ELOVL6: variants seen among roughly 807,000 people sequenced by gnomAD.
ELOVL6 encodes very long chain fatty acid elongase 6.
ELOVL6 carries 8 observed loss-of-function variants against 31.7 expected under a neutral mutation model. The observed-to-expected ratio is 0.25, with a 90% CI of 0.15 to 0.45. The LOEUF (loss-of-function observed/expected upper bound fraction) is 0.45, where lower values mean the gene tolerates loss of function less well. ELOVL6 is among the 20% of genes least tolerant of loss of function. The pLI is 1.00. For missense variants in ELOVL6, 126 were observed against 326.4 expected, an observed-to-expected ratio of 0.39 and a Z score of 4.73; for synonymous variants, 101 against 117.7, an observed-to-expected ratio of 0.86 and a Z score of 0.92.
intron 2 of ELOVL6, among the ~76,000 whole-genome samples, chr4:110,069,013 C>T (rs192754565): frequency 0.012 from 1,849 of 151,914 alleles, 115 homozygotes; most frequent in Admixed American, 0.1. Flanking sequence ...GTGGTGGCAG[C>T]GCCTGTAGTC....
intron 2 of ELOVL6, 56 bp from the exon 3 acceptor site, chr4:110,059,810 C>A: frequency 6.5e-7 from 1 of 1,528,466 alleles, no homozygotes; most frequent in Non-Finnish European, 9.0e-7. Flanking sequence ...TCACTTCTCA[C>A]ATCAACCATA....
intron 2 of ELOVL6, among the ~76,000 whole-genome samples, chr4:110,102,684 A>C (rs1039063994): frequency 2.0e-4 from 30 of 152,008 alleles, no homozygotes; most frequent in Admixed American, 4.6e-4. Context: ...TAAAGATGAT[A>C]GATTATATAT....
intron 2 of ELOVL6, among the ~76,000 whole-genome samples, chr4:110,080,314 C>T (rs1165867316): frequency 3.3e-5 from 5 of 152,154 alleles, no homozygotes; most frequent in Non-Finnish European, 7.4e-5. Context: ...ACCAATATCC[C>T]TGATGAACAT....
chr4:110,078,285 T>C (rs999137402), intron 2 of ELOVL6, among the ~76,000 whole-genome samples: 1 of 152,204 alleles, frequency 6.6e-6, no homozygotes, highest in Non-Finnish European at 1.5e-5. Context: ...GACACATAAT[T>C]GTCAGATTCA....
chr4:110,127,046 A>G (rs935266458), intron 1 of ELOVL6, among the ~76,000 whole-genome samples: 1 of 152,134 alleles, frequency 6.6e-6, no homozygotes, highest in Non-Finnish European at 1.5e-5. Context: ...AAAGTAGTAG[A>G]CCATCTCTCC....
chr4:110,064,767 C>T (rs549428529), intron 2 of ELOVL6, among the ~76,000 whole-genome samples: 2 of 152,236 alleles, frequency 1.3e-5, no homozygotes, highest in African/African-American at 4.8e-5. Context: ...GGATTATAGA[C>T]GTGAGCTACT....
chr4:110,153,154 A>G (rs1758327069), intron 1 of ELOVL6, among the ~76,000 whole-genome samples: 1 of 152,228 alleles, frequency 6.6e-6, no homozygotes, highest in African/African-American at 2.4e-5. Flanking sequence ...AGATGAAGAA[A>G]CAATTATAAC....
At chr4:110,060,727 G>A (rs1755113587) in intron 2 of ELOVL6, among the ~76,000 whole-genome samples, 1 of 152,104 alleles carries the variant, frequency 6.6e-6, no homozygotes, top group Admixed American at 6.5e-5. Context: ...AGGAGAGCTG[G>A]CTGACCATGT....
In ELOVL6 at chr4:110,094,445, T is replaced by TATATATATATATATAAA. The variant is rs1756519913; in HGVS notation, c.221+11051_221+11052insTTTATATATATATATAT. ...TATATATATATATATATATATATAATATATATAACATAATATATATTACAT... is the reference window on the plus strand; with the variant it reads ...TATATATATATATATATATATATAATATATATATATATATAAAATATATAACATAATATATATTACAT... On this transcript the variant is annotated intron_variant, in intron 2 of 3. Coordinates refer to ENST00000302274, the MANE Select transcript of ELOVL6 (RefSeq NM_024090.3). Among the ~76,000 whole-genome samples, 40 of 47,376 alleles carry TATATATATATATATAAA rather than the reference T, an allele frequency of 8.4e-4. 1 individual carries two copies. Among genetic ancestry groups the TATATATATATATATAAA allele is most frequent in the South Asian group, 2.7e-3 (3 of 1,106 alleles). 31.1% of individuals were successfully genotyped at this position (47,376 alleles called of 152,430 possible).
chr4:110,087,995 T>C (rs541414999), intron 2 of ELOVL6, among the ~76,000 whole-genome samples: 184 of 152,236 alleles, frequency 1.2e-3, no homozygotes, highest in African/African-American at 4.2e-3. Context: ...GTGGTTTTAC[T>C]ACATTTTTGA....
chr4:110,055,785 A>G (rs1354806385), intron 3 of ELOVL6, among the ~76,000 whole-genome samples: 1 of 152,236 alleles, frequency 6.6e-6, no homozygotes, highest in Non-Finnish European at 1.5e-5. Context: ...AAGTTTTAAC[A>G]AAACAAAATC....
intron 1 of ELOVL6, among the ~76,000 whole-genome samples, chr4:110,148,853 A>G (rs1231173346): frequency 6.6e-6 from 1 of 152,106 alleles, no homozygotes; most frequent in Non-Finnish European, 1.5e-5. Context: ...GTGAACGCTT[A>G]TATACTTTTT....
intron 2 of ELOVL6, among the ~76,000 whole-genome samples, chr4:110,089,066 A>G (rs1756346866): frequency 6.6e-6 from 1 of 152,180 alleles, no homozygotes; most frequent in Non-Finnish European, 1.5e-5. Context: ...AGATCTACCC[A>G]TGTCTTTTTA....
intron 1 of ELOVL6, among the ~76,000 whole-genome samples, chr4:110,174,385 T>TGAACCCCC (rs1208625298): frequency 6.6e-6 from 1 of 152,140 alleles, no homozygotes; most frequent in Non-Finnish European, 1.5e-5. Context: ...AGGCTGGTCT[T>TGAACCCCC]GAACCCCCGG....
At chr4:110,058,361 T>C (rs964893850) in intron 3 of ELOVL6, among the ~76,000 whole-genome samples, 2 of 152,336 alleles carry the variant, frequency 1.3e-5, no homozygotes, top group African/African-American at 4.8e-5. Flanking sequence ...TTTGTACCTC[T>C]GCCCCTCTTA....
chr4:110,129,574 G>T (rs887718806), intron 1 of ELOVL6, among the ~76,000 whole-genome samples: 1 of 152,204 alleles, frequency 6.6e-6, no homozygotes, highest in African/African-American at 2.4e-5. Flanking sequence ...TGCCAGGTGG[G>T]GCTTCTGGGA....
At chr4:110,069,393 CAGAG>C (rs1353398832) in intron 2 of ELOVL6, among the ~76,000 whole-genome samples, 2 of 151,822 alleles carry the variant, frequency 1.3e-5, no homozygotes, top group Non-Finnish European at 2.9e-5. Flanking sequence ...CCATCAAGGC[CAGAG>C]AGAAAGGCAG....
chr4:110,089,749 T>C (rs1039962145), intron 2 of ELOVL6, among the ~76,000 whole-genome samples: 3 of 152,184 alleles, frequency 2.0e-5, no homozygotes, highest in African/African-American at 7.2e-5. Flanking sequence ...AAGCAGCTCA[T>C]TGTTGCCTCA....
In ELOVL6 at chr4:110,196,901, C is replaced by A. The variant is rs542160673; in HGVS notation, c.89+1346G>T. ...CCGGCCGGGCGGGAGGAGAAGGAAG[C>A]GGCGGCCGGGCCTCCCGACACTGGC... On this transcript the variant is annotated intron_variant, in intron 1 of 3. Coordinates refer to ENST00000302274, the MANE Select transcript of ELOVL6 (RefSeq NM_024090.3). Among the ~76,000 whole-genome samples the A allele has an allele frequency of 2.3e-3, 355 of 152,292 alleles. 7 individuals carry two copies. The highest frequency in any genetic ancestry group is 6.8e-3 in the Middle Eastern group (2 of 292).
Sources: gnomAD v4.1 joint callset for allele counts (sites outside exome capture counted in the v4.1 genomes callset) on GRCh38, gnomAD v4.1.1 for gene constraint, MANE v1.5 for transcripts, NCBI Gene and HGNC (gene_info 2026-07-23, HGNC 2026-07-21) for gene names.